Variants in PBX3 observed in about 807,000 individuals in gnomAD.
PBX3 encodes the protein pre-B-cell leukemia transcription factor 3.
A neutral mutation model predicts 48.5 loss-of-function variants in PBX3; 14 were observed. That is an observed-to-expected ratio of 0.29 (90% CI 0.19 to 0.45). The LOEUF (loss-of-function observed/expected upper bound fraction) is 0.45, where lower values mean the gene tolerates loss of function less well. Among genes scored for constraint, PBX3 ranks in the 20% least tolerant of loss-of-function variants. The pLI is 1.00. For missense variants in PBX3, 386 were observed against 546.7 expected, an observed-to-expected ratio of 0.71 and a Z score of 2.93; for synonymous variants, 210 against 200.3, an observed-to-expected ratio of 1.05 and a Z score of -0.41.
chr9:125,778,740 T>C (rs551426254), intron 2 of PBX3, among the ~76,000 whole-genome samples: 1 of 150,168 alleles, frequency 6.7e-6, no homozygotes, highest in East Asian at 2.0e-4. Flanking sequence ...CTGGGCATGC[T>C]AGGCTTTGCT....
intron 2 of PBX3, among the ~76,000 whole-genome samples, chr9:125,900,031 T>C (rs1257249356): frequency 6.6e-6 from 1 of 151,736 alleles, no homozygotes. Flanking sequence ...ATTCATAGTA[T>C]TGTATCATCA....
chr9:125,824,179 A>G (rs1201406051), intron 2 of PBX3, among the ~76,000 whole-genome samples: 2 of 152,130 alleles, frequency 1.3e-5, no homozygotes, highest in African/African-American at 4.8e-5. Flanking sequence ...TTTTAGCTTT[A>G]TCAATAAAGG....
At chr9:125,762,998 A>G (rs1369082773) in intron 2 of PBX3, among the ~76,000 whole-genome samples, 1 of 152,174 alleles carries the variant, frequency 6.6e-6, no homozygotes, top group African/African-American at 2.4e-5. Context: ...TGTCAATACA[A>G]TGTTGGTAAT....
At chr9:125,829,499 T>A (rs1838898410) in intron 2 of PBX3, among the ~76,000 whole-genome samples, 1 of 152,206 alleles carries the variant, frequency 6.6e-6, no homozygotes, top group Non-Finnish European at 1.5e-5. Flanking sequence ...ACATTTAATT[T>A]GCTAGTCAGG....
At chr9:125,888,411 A>G (rs78863346) in intron 2 of PBX3, among the ~76,000 whole-genome samples, 3,039 of 152,246 alleles carry the variant, frequency 0.02, 171 homozygotes, top group East Asian at 0.17. Flanking sequence ...GTAGCATACA[A>G]TTGACCCTTT....
intron 2 of PBX3, among the ~76,000 whole-genome samples, chr9:125,907,243 A>G (rs1208988770): frequency 2.0e-5 from 3 of 152,058 alleles, no homozygotes; most frequent in Admixed American, 6.6e-5. Context: ...AATAATGTCA[A>G]CACAACGTAT....
At chr9:125,846,966 A>G (rs1588213793) in intron 2 of PBX3, among the ~76,000 whole-genome samples, 1 of 151,764 alleles carries the variant, frequency 6.6e-6, no homozygotes, top group Non-Finnish European at 1.5e-5. Flanking sequence ...GTAAGTTCCC[A>G]GTCTGTATTT....
intron 3 of PBX3, among the ~76,000 whole-genome samples, chr9:125,927,902 C>T (rs2132506317): frequency 6.6e-6 from 1 of 152,212 alleles, no homozygotes; most frequent in Admixed American, 6.5e-5. Flanking sequence ...AGCTGGGGGC[C>T]AGGCGCAGTG....
chr9:125,775,989 G>T (rs951203734), intron 2 of PBX3, among the ~76,000 whole-genome samples: 4 of 152,130 alleles, frequency 2.6e-5, no homozygotes, highest in African/African-American at 9.7e-5. Context: ...AGGTTTTTTG[G>T]TGTGGATTCT....
intron 2 of PBX3, among the ~76,000 whole-genome samples, chr9:125,777,150 T>C (rs1224941022): frequency 6.6e-6 from 1 of 151,876 alleles, no homozygotes; most frequent in Non-Finnish European, 1.5e-5. Flanking sequence ...TAGCTGGGAC[T>C]ACAGATATGT....
At chr9:125,807,683 A>G (rs1200120209) in intron 2 of PBX3, among the ~76,000 whole-genome samples, 1 of 151,926 alleles carries the variant, frequency 6.6e-6, no homozygotes, top group Non-Finnish European at 1.5e-5. Flanking sequence ...CTAGATTATT[A>G]TTGTTAGAAA....
At chr9:125,943,996 C>T (rs1018860767) in intron 5 of PBX3, among the ~76,000 whole-genome samples, 17 of 152,214 alleles carry the variant, frequency 1.1e-4, no homozygotes, top group Admixed American at 9.8e-4. Context: ...TACTATTGGC[C>T]AGAAGCCTGA....
chr9:125,774,146 G>A (rs1213534293), intron 2 of PBX3, among the ~76,000 whole-genome samples: 1 of 152,210 alleles, frequency 6.6e-6, no homozygotes, highest in Non-Finnish European at 1.5e-5. Flanking sequence ...AGGTGAAGGG[G>A]AAGCCAGCGT....
intron 2 of PBX3, among the ~76,000 whole-genome samples, chr9:125,825,980 TA>T (rs2132173882): frequency 6.6e-6 from 1 of 152,322 alleles, no homozygotes; most frequent in African/African-American, 2.4e-5. Context: ...AGATACTTTA[TA>T]AATGTTAGCT....
intron 2 of PBX3, among the ~76,000 whole-genome samples, chr9:125,821,668 T>G (rs1291989918): frequency 6.6e-6 from 1 of 152,152 alleles, no homozygotes; most frequent in Non-Finnish European, 1.5e-5. Context: ...TAGTTTCATT[T>G]TATCACCAAT....
At chr9:125,921,536 A>G (rs1841457458) in intron 3 of PBX3, among the ~76,000 whole-genome samples, 1 of 152,184 alleles carries the variant, frequency 6.6e-6, no homozygotes, top group African/African-American at 2.4e-5. Flanking sequence ...AGAACTTAAC[A>G]TACATTATAT....
At chr9:125,929,604 C>T (rs781432159) in intron 3 of PBX3, 51 bp from the exon 4 acceptor site, 17 of 1,281,762 alleles carry the variant, frequency 1.3e-5, no homozygotes, top group Middle Eastern at 3.8e-4. Context: ...TGAATGTCTT[C>T]GTGTGATAGT....
intron 2 of PBX3, among the ~76,000 whole-genome samples, chr9:125,788,448 C>T (rs1837513543): frequency 6.6e-6 from 1 of 152,198 alleles, no homozygotes; most frequent in South Asian, 2.1e-4. Flanking sequence ...TTACATTTAT[C>T]TATTCATTGT....
chr9:125,849,280 C>T (rs937690533), intron 2 of PBX3, among the ~76,000 whole-genome samples: 6 of 151,578 alleles, frequency 4.0e-5, no homozygotes, highest in African/African-American at 1.5e-4. Context: ...GTGATGTCCT[C>T]ATGTGTGCTT....
Sources: gnomAD v4.1 joint callset for allele counts (sites outside exome capture counted in the v4.1 genomes callset) on GRCh38, gnomAD v4.1.1 for gene constraint, MANE v1.5 for transcripts, NCBI Gene and HGNC (gene_info 2026-07-23, HGNC 2026-07-21) for gene names.